ZNF502: variants seen among roughly 807,000 people sequenced by gnomAD.
ZNF502 encodes the protein zinc finger protein 502.
In ZNF502, 29 loss-of-function variants were observed where a neutral mutation model predicts 43.6. That is an observed-to-expected ratio of 0.67 (90% CI 0.50 to 0.91). The LOEUF (loss-of-function observed/expected upper bound fraction) is 0.91. ZNF502 is among the 40% of genes least tolerant of loss of function. ZNF502 has a pLI of 0.00. For missense variants in ZNF502, 591 were observed against 647.2 expected, an observed-to-expected ratio of 0.91 and a Z score of 0.94; for synonymous variants, 171 against 207.4, an observed-to-expected ratio of 0.82 and a Z score of 1.51.
At chr3:44,713,637 A>G (rs1447984065) in intron 1 of ZNF502, among the ~76,000 whole-genome samples, 1 of 151,742 alleles carries the variant, frequency 6.6e-6, no homozygotes, top group African/African-American at 2.4e-5. Context: ...CTGGAGTGCA[A>G]CGGGGTGATC....
In ZNF502 at chr3:44,720,244, C is replaced by G. The variant is rs150766017; in HGVS notation, c.-18C>G. 3 of 1,613,802 alleles carry G rather than the reference C, an allele frequency of 1.9e-6. No homozygotes were observed. The highest frequency in any genetic ancestry group is 1.3e-5 in the African/African-American group (1 of 74,858). ...GACCTGAAGTGTTTTCCAATCAAAG[C>G]GAAGAGACGATCTGTGGATGTTGAA... On this transcript the variant is annotated 5_prime_UTR_variant, in exon 2 of 3. Coordinates refer to ENST00000436624, the MANE Select transcript of ZNF502 (RefSeq NM_001134442.3).
chr3:44,713,788 C>G (rs1704080764), intron 1 of ZNF502, among the ~76,000 whole-genome samples: 1 of 152,018 alleles, frequency 6.6e-6, no homozygotes, highest in African/African-American at 2.4e-5. Flanking sequence ...CAGTGTTGGT[C>G]AGGCTGGTCG....
chr3:44,713,586 G>GTT (rs61232925), intron 1 of ZNF502, among the ~76,000 whole-genome samples: 6 of 145,130 alleles, frequency 4.1e-5, no homozygotes, highest in South Asian at 2.2e-4. Context: ...TTTTTGGTTT[G>GTT]TTTTTTTTTT....
chr3:44,721,434 C>G lies in ZNF502; in HGVS notation c.617C>G (p.Thr206Ser). ...SFLVQHQRIH[T>S]GVKPYGCEQC... ...CTTGTTCAACATCAAAGAATTCACA[C>G]TGGAGTGAAACCATATGGATGTGAG... The change falls in exon 3 of 3, where the codon ACT becomes AGT. Residue 206 changes from threonine (T) to serine (S), a missense_variant. Coordinates refer to ENST00000436624, the MANE Select transcript of ZNF502 (RefSeq NM_001134442.3). 1.2e-6 allele frequency: 2 copies of G among 1,614,182 alleles called. No individual in the cohort carries two copies. The highest frequency in any genetic ancestry group is 1.7e-6 in the Non-Finnish European group (2 of 1,180,022).
Position 44,712,717 on chromosome 3 carries a change from C to G in ZNF502, c.-83C>G, listed in dbSNP as rs551514661. ...ACCTCTGGGAGCGCCTGCGCCGCTCCGCGGAGAGTCCGTGGATCTCACAGT... is the reference window on the plus strand; with the variant it reads ...ACCTCTGGGAGCGCCTGCGCCGCTCGGCGGAGAGTCCGTGGATCTCACAGT... On this transcript the variant is annotated 5_prime_UTR_variant, in exon 1 of 3. Transcript: ENST00000436624. 291 of 152,396 alleles carry G rather than the reference C, an allele frequency of 1.9e-3. 4 individuals carry two copies. The highest frequency in any genetic ancestry group is 6.1e-3 in the African/African-American group (253 of 41,584). 9.4% of individuals were successfully genotyped at this position (152,396 alleles called of 1,614,324 possible).
Position 44,722,105 on chromosome 3 carries a change from A to G in ZNF502, c.1288A>G (p.Thr430Ala), listed in dbSNP as rs1294234711. ...ICLIRHQRSH[T>A]GEKPYKCNEC... ...CCTTATTCGGCACCAGAGAAGTCAC[A>G]CTGGAGAAAAACCCTATAAATGCAA... is the stretch of plus-strand genomic sequence containing the variant. Residue 430 changes from threonine to alanine, a missense_variant, in exon 3 of 3, where the codon ACT (threonine) becomes GCT (alanine). Coordinates refer to ENST00000436624, the MANE Select transcript of ZNF502 (RefSeq NM_001134442.3). 6.2e-7 allele frequency: 1 copy of G among 1,614,212 alleles called. No homozygotes were observed. Among genetic ancestry groups the G allele is most frequent in the Non-Finnish European group, 8.5e-7 (1 of 1,180,026 alleles).
rs151292848 is a variant in ZNF502, at chr3:44,721,660, C to A, written c.843C>A (p.His281Gln). The A allele has an allele frequency of 6.2e-7, 1 of 1,614,044 alleles. No individual in the cohort carries two copies. The highest frequency in any genetic ancestry group is 8.5e-7 in the Non-Finnish European group (1 of 1,179,960). Residue 281 changes from histidine to glutamine, a missense_variant, in exon 3 of 3, where the codon CAC (histidine) becomes CAA (glutamine). His to Gln is a conservative substitution (Grantham distance 24). Transcript: ENST00000436624. The stretch of plus-strand genomic sequence containing the variant: ...GGAAGGCATTCAATCAGAATACACA[C>A]CTTATTCATCATCAGAGAATTCACA... The part of the protein sequence containing the change: ...RCGKAFNQNT[H>Q]LIHHQRIHTG...
chr3:44,723,291 A>C lies in ZNF502; in HGVS notation c.*839A>C, dbSNP rs1704417572. ...ATGGTCTGCTAGAGTGATAAGACTC[A>C]GAACAGGAAGCCTGCATGTGACTGA... On this transcript the variant is annotated 3_prime_UTR_variant, in exon 3 of 3. Transcript: ENST00000436624. The C allele has an allele frequency of 2.6e-5, 4 of 152,278 alleles. No individual in the cohort carries two copies. Among genetic ancestry groups the C allele is most frequent in the Admixed American group, 2.6e-4 (4 of 15,290 alleles). 9.4% of individuals were successfully genotyped at this position (152,278 alleles called of 1,614,324 possible). A position where few individuals can be genotyped will look rare whatever the true frequency, so the allele number is the denominator to read the frequency against.
rs759723180 is a variant in ZNF502 at position 44,721,888 on chromosome 3, C to G, written c.1071C>G (p.Gly357=). 1 of 1,613,792 alleles carries G rather than the reference C, an allele frequency of 6.2e-7. No individual in the cohort carries two copies. Among genetic ancestry groups the G allele is most frequent in the Non-Finnish European group, 8.5e-7 (1 of 1,179,860 alleles). ...GEKPYKCKEC[G]KAFCQSPSLI... is the part of the protein sequence containing the mutation. ...AACCCTATAAATGTAAAGAATGTGGCAAAGCCTTTTGTCAGAGCCCATCTC... is the reference window on the plus strand; with the variant it reads ...AACCCTATAAATGTAAAGAATGTGGGAAAGCCTTTTGTCAGAGCCCATCTC... Residue 357 remains glycine (G), a synonymous_variant, in exon 3 of 3, where the codon GGC becomes GGG. Transcript: ENST00000436624.
rs144362742 is a variant in ZNF502 at position 44,722,331 on chromosome 3, A to G, written c.1514A>G (p.His505Arg). 7 of 1,614,182 alleles carry G rather than the reference A, an allele frequency of 4.3e-6. No individual in the cohort carries two copies. Among genetic ancestry groups the G allele is most frequent in the Admixed American group, 3.3e-5 (2 of 60,020 alleles). The change falls in exon 3 of 3, where the codon CAC becomes CGC. Residue 505 changes from histidine (H) to arginine (R), a missense_variant. Physicochemically the swap from His to Arg is conservative, Grantham distance 29. Coordinates refer to ENST00000436624, the MANE Select transcript of ZNF502 (RefSeq NM_001134442.3). ...ECEKTFRKYA[H>R]LSEHYRIHTG... ...GAGAAAACCTTCCGCAAGTATGCAC[A>G]CCTTAGTGAACATTACAGAATTCAC...
At chr3:44,716,188 C>CTTT (rs545864492) in intron 1 of ZNF502, among the ~76,000 whole-genome samples, 1 of 138,688 alleles carries the variant, frequency 7.2e-6, no homozygotes, top group African/African-American at 2.6e-5. Context: ...AGAATATAGT[C>CTTT]TTTTTTTTTT....
intron 1 of ZNF502, among the ~76,000 whole-genome samples, chr3:44,713,730 G>A (rs911998128): frequency 1.3e-5 from 2 of 152,102 alleles, no homozygotes; most frequent in East Asian, 3.9e-4. Context: ...ACAGGCATGC[G>A]CCACCACACC....
In ZNF502 at chr3:44,721,227, A is replaced by G. The variant is rs1197504527; in HGVS notation, c.410A>G (p.Asn137Ser). The G allele has an allele frequency of 2.5e-6, 4 of 1,614,032 alleles. No homozygotes were observed. The highest frequency in any genetic ancestry group is 1.7e-6 in the Non-Finnish European group (2 of 1,180,016). Residue 137 changes from asparagine (N) to serine (S), a missense_variant, in exon 3 of 3, where the codon AAT becomes AGT. Physicochemically the swap from Asn to Ser is conservative, Grantham distance 46 (BLOSUM62 1). Transcript: ENST00000436624. Reference sequence around the variant, plus strand: ...TGGGAAACAAGTAATATACAAACCAATGATATTTCAGACCAAAGTAAATGT... The same window carrying G: ...TGGGAAACAAGTAATATACAAACCAGTGATATTTCAGACCAAAGTAAATGT... ...HQWETSNIQT[N>S]DISDQSKCPT...
chr3:44,719,380 A>C (rs911783187), intron 1 of ZNF502, among the ~76,000 whole-genome samples: 3 of 152,132 alleles, frequency 2.0e-5, no homozygotes, highest in African/African-American at 7.2e-5. Flanking sequence ...TTATTCTTTC[A>C]TGTCTTCCAA....
intron 1 of ZNF502, among the ~76,000 whole-genome samples, chr3:44,716,711 C>G (rs375859692): frequency 5.1e-4 from 77 of 152,238 alleles, no homozygotes; most frequent in African/African-American, 1.8e-3. Context: ...TGAGAAACTC[C>G]CTGTACCTTT....
chr3:44,721,254 C>T lies in ZNF502; in HGVS notation c.437C>T (p.Pro146Leu). ...GATATTTCAGACCAAAGTAAATGTC[C>T]AACTCTCTGCACACAGAAAAAATCT... ...TNDISDQSKC[P>L]TLCTQKKSWK... is the part of the protein sequence containing the mutation. The change falls in exon 3 of 3, where the codon CCA (proline) becomes CTA (leucine). Residue 146 changes from proline (P) to leucine (L), a missense_variant. Coordinates refer to ENST00000436624, the MANE Select transcript of ZNF502 (RefSeq NM_001134442.3). 1 of 1,614,056 alleles carries T rather than the reference C, an allele frequency of 6.2e-7. No individual in the cohort carries two copies. The highest frequency in any genetic ancestry group is 1.7e-5 in the Admixed American group (1 of 60,020).
At position 44,721,098 on chromosome 3, in the gene ZNF502, C is replaced by T; in HGVS notation, c.281C>T (p.Pro94Leu). ...GRITFIHKEA[P>L]PEIISQGYNF... ...ATAACTTTCATCCACAAAGAAGCACCCCCTGAAATTATTAGTCAAGGATAT... is the reference window on the plus strand; with the variant it reads ...ATAACTTTCATCCACAAAGAAGCACTCCCTGAAATTATTAGTCAAGGATAT... Residue 94 changes from proline to leucine, a missense_variant, in exon 3 of 3, where the codon CCC becomes CTC. Transcript: ENST00000436624. 6.2e-7 allele frequency: 1 copy of T among 1,614,044 alleles called. No homozygotes were observed. Among genetic ancestry groups the T allele is most frequent in the Non-Finnish European group, 8.5e-7 (1 of 1,179,996 alleles).
Position 44,721,205 on chromosome 3 carries a change from G to A in ZNF502, c.388G>A (p.Glu130Lys), listed in dbSNP as rs762682034. 7 of 1,614,116 alleles carry A rather than the reference G, an allele frequency of 4.3e-6. No individual in the cohort carries two copies. The highest frequency in any genetic ancestry group is 1.1e-5 in the South Asian group (1 of 91,086). ...TACAGAAGAGAGTCTGCATCAGTGG[G>A]AAACAAGTAATATACAAACCAATGA... ...VSTEESLHQW[E>K]TSNIQTNDIS... Residue 130 changes from glutamate to lysine, a missense_variant, in exon 3 of 3, where the codon GAA (glutamate) becomes AAA (lysine). Transcript: ENST00000436624.
intron 1 of ZNF502, among the ~76,000 whole-genome samples, chr3:44,717,254 C>CGA (rs1704167985): frequency 6.6e-6 from 1 of 151,816 alleles, no homozygotes; most frequent in African/African-American, 2.4e-5. Context: ...TATGAATTAT[C>CGA]TATCTTTTTG....
Sources: allele counts gnomAD v4.1 joint callset (sites outside exome capture counted in the v4.1 genomes callset), GRCh38; gene constraint gnomAD v4.1.1; transcripts MANE v1.5; gene names NCBI Gene and HGNC (gene_info 2026-07-23, HGNC 2026-07-21).